CSMD1: variants seen among roughly 807,000 people sequenced by gnomAD.
CSMD1 encodes CUB and Sushi multiple domains 1, also known as CUB and sushi domain-containing protein 1.
Under a neutral mutation model 417.5 loss-of-function variants are expected in CSMD1, and 213 were observed. The ratio of observed to expected loss-of-function variants is 0.51; its 90% CI spans 0.46 to 0.57. The LOEUF is 0.57. Among genes scored for constraint, CSMD1 ranks in the 20% least tolerant of loss-of-function variants. The pLI, the probability that CSMD1 is intolerant of heterozygous loss-of-function variation, is 0.00. For missense variants in CSMD1, 6,923 were observed against 4,529.7 expected, an observed-to-expected ratio of 1.53 and a Z score of -15.17; for synonymous variants, 2,862 against 1,736.8, an observed-to-expected ratio of 1.65 and a Z score of -16.11.
intron 7 of CSMD1, among the ~76,000 whole-genome samples, chr8:3,644,131 A>G (rs1291072942): frequency 1.3e-5 from 2 of 152,206 alleles, no homozygotes; most frequent in Non-Finnish European, 2.9e-5. Flanking sequence ...GGAAGTTGTT[A>G]TCAATGCAAA....
At chr8:4,938,281 T>C (rs1807757577) in intron 1 of CSMD1, among the ~76,000 whole-genome samples, 1 of 152,186 alleles carries the variant, frequency 6.6e-6, no homozygotes, top group Non-Finnish European at 1.5e-5. Flanking sequence ...TGTTGGACTT[T>C]GCAGAGTGGG....
At chr8:3,060,712 A>G (rs1812538721) in intron 49 of CSMD1, among the ~76,000 whole-genome samples, 1 of 152,198 alleles carries the variant, frequency 6.6e-6, no homozygotes, top group South Asian at 2.1e-4. Flanking sequence ...CTTTGAATGC[A>G]TCTCCTCCAA....
At chr8:4,462,285 A>T (rs1799882362) in intron 2 of CSMD1, among the ~76,000 whole-genome samples, 2 of 152,196 alleles carry the variant, frequency 1.3e-5, no homozygotes, top group Admixed American at 1.3e-4. Flanking sequence ...TTAGGAATAA[A>T]TTTAACAAAA....
intron 3 of CSMD1, among the ~76,000 whole-genome samples, chr8:4,136,572 A>G (rs1563170806): frequency 2.0e-5 from 3 of 152,220 alleles, no homozygotes; most frequent in Non-Finnish European, 4.4e-5. Flanking sequence ...TCTAATTTAC[A>G]GTATTTCAGA....
chr8:4,807,236 G>T (rs574712468), intron 1 of CSMD1, among the ~76,000 whole-genome samples: 1 of 152,136 alleles, frequency 6.6e-6, no homozygotes, highest in Non-Finnish European at 1.5e-5. Flanking sequence ...GGGTTCGGCA[G>T]CTTCTCCCAC....
chr8:4,168,374 G>A (rs902059854), intron 3 of CSMD1, among the ~76,000 whole-genome samples: 4 of 151,846 alleles, frequency 2.6e-5, no homozygotes, highest in African/African-American at 9.7e-5. Flanking sequence ...CAGTCTTGGT[G>A]ACAGAGTGAG....
intron 7 of CSMD1, among the ~76,000 whole-genome samples, chr8:3,658,983 T>C (rs1251822132): frequency 1.3e-5 from 2 of 152,206 alleles, no homozygotes; most frequent in East Asian, 3.9e-4. Flanking sequence ...CTAATATTTG[T>C]AGTGTGTTCT....
intron 3 of CSMD1, among the ~76,000 whole-genome samples, chr8:4,102,422 T>C (rs1430224252): frequency 6.6e-6 from 1 of 152,190 alleles, no homozygotes; most frequent in Admixed American, 6.5e-5. Flanking sequence ...TTCTCCCTGA[T>C]TCTGTCATAA....
chr8:3,226,821 G>A (rs1205888134), intron 27 of CSMD1, among the ~76,000 whole-genome samples: 1 of 151,712 alleles, frequency 6.6e-6, no homozygotes, highest in East Asian at 1.9e-4. Context: ...TTTTATAAAA[G>A]GGAAAGAAAG....
chr8:4,264,472 T>A (rs1355773229), intron 3 of CSMD1, among the ~76,000 whole-genome samples: 1 of 152,132 alleles, frequency 6.6e-6, no homozygotes, highest in Non-Finnish European at 1.5e-5. Flanking sequence ...AGATCACAAT[T>A]CTCTCATCGT....
Position 3,661,582 on chromosome 8 carries a change from C to T in CSMD1, c.1010-44785G>A, listed in dbSNP as rs537173764. On this transcript the variant is annotated intron_variant, in intron 7 of 69. Transcript: ENST00000635120. The stretch of plus-strand genomic sequence containing the variant: ...CACAATCTCGGCTCACGGAAACCTC[C>T]ACCTCCCGGGTTCAAGTGATTCTCC... Among the ~76,000 whole-genome samples, 7 of 151,694 alleles carry T rather than the reference C, an allele frequency of 4.6e-5. No homozygotes were observed. In the East Asian group the frequency reaches 1.4e-3, roughly 29 times the overall value.
chr8:2,991,645 AT>A (rs1285395741), intron 54 of CSMD1, among the ~76,000 whole-genome samples: 1 of 152,256 alleles, frequency 6.6e-6, no homozygotes, highest in Non-Finnish European at 1.5e-5. Context: ...TTAATGAAAC[AT>A]ACCCTTTTTA....
intron 7 of CSMD1, among the ~76,000 whole-genome samples, chr8:3,691,686 A>G (rs1030566407): frequency 3.9e-5 from 6 of 152,192 alleles, no homozygotes; most frequent in Non-Finnish European, 8.8e-5. Context: ...TTTTTATAGC[A>G]ATGTAATAAA....
intron 27 of CSMD1, among the ~76,000 whole-genome samples, chr8:3,228,533 G>A (rs541400618): frequency 3.7e-4 from 57 of 152,256 alleles, no homozygotes; most frequent in African/African-American, 1.3e-3. Flanking sequence ...GACATTCAAG[G>A]TAGAGACAGG....
chr8:3,232,848 C>T (rs2116921438), intron 26 of CSMD1, among the ~76,000 whole-genome samples: 1 of 151,958 alleles, frequency 6.6e-6, no homozygotes, highest in Admixed American at 6.6e-5. Flanking sequence ...CTAGAAATTT[C>T]AGTATGTATT....
intron 5 of CSMD1, among the ~76,000 whole-genome samples, chr8:3,808,357 G>A (rs1030963283): frequency 6.6e-6 from 1 of 152,026 alleles, no homozygotes; most frequent in South Asian, 2.1e-4. Context: ...TTGGGTCTTG[G>A]TATATTCAAA....
chr8:3,833,102 A>G (rs1004822988), intron 5 of CSMD1, among the ~76,000 whole-genome samples: 9 of 152,150 alleles, frequency 5.9e-5, no homozygotes, highest in African/African-American at 1.9e-4. Context: ...TTTTTCAAAA[A>G]CAACTTCCCA....
At chr8:3,375,968 G>C (rs919018148) in intron 18 of CSMD1, among the ~76,000 whole-genome samples, 17 of 152,044 alleles carry the variant, frequency 1.1e-4, no homozygotes, top group African/African-American at 4.1e-4. Flanking sequence ...TTGCCTCCAA[G>C]CTTTCGATAT....
intron 1 of CSMD1, among the ~76,000 whole-genome samples, chr8:4,896,679 T>G (rs567330849): frequency 1.3e-5 from 2 of 152,070 alleles, no homozygotes; most frequent in Non-Finnish European, 2.9e-5. Context: ...GGGGGAAGGA[T>G]TGCATACGTG....
Sources: gnomAD v4.1 joint callset for allele counts (sites outside exome capture counted in the v4.1 genomes callset) on GRCh38, gnomAD v4.1.1 for gene constraint, MANE v1.5 for transcripts, NCBI Gene and HGNC (gene_info 2026-07-23, HGNC 2026-07-21) for gene names.